The following CEP85L variants were observed in gnomAD, a reference collection of about 807,000 sequenced individuals.
The protein encoded by CEP85L is centrosomal protein 85L, also known as centrosomal protein of 85 kDa-like.
CEP85L carries 60 observed loss-of-function variants against 100.3 expected under a neutral mutation model. The ratio of observed to expected loss-of-function variants is 0.60; its 90% confidence interval spans 0.49 to 0.74. CEP85L has a LOEUF of 0.74. Among genes scored for constraint, CEP85L ranks in the 30% least tolerant of loss-of-function variants. CEP85L has a pLI of 0.00. For missense variants in CEP85L, 973 were observed against 936.2 expected (o/e 1.04, Z -0.51); for synonymous variants, 319 against 322.7 (o/e 0.99, Z 0.12).
intron 4 of CEP85L, among the ~76,000 whole-genome samples, chr6:118,513,890 A>G (rs1331985625): frequency 6.6e-6 from 1 of 152,162 alleles, no homozygotes; most frequent in African/African-American, 2.4e-5. Flanking sequence ...TATTATTTAA[A>G]TCTCATTAAA....
At chr6:118,654,019 G>A (rs2115394393), upstream of CEP85L, among the ~76,000 whole-genome samples, 1 of 152,252 alleles carries the variant, frequency 6.6e-6, no homozygotes, top group South Asian at 2.1e-4. Context: ...TGATTAAGTT[G>A]AGCTATCTTA....
chr6:118,641,416 A>G (rs1252869748), intron 1 of CEP85L, among the ~76,000 whole-genome samples: 1 of 152,128 alleles, frequency 6.6e-6, no homozygotes, highest in African/African-American at 2.4e-5. Context: ...GTTTATACTG[A>G]AAATTATCTT....
At chr6:118,503,815 C>T (rs1357234715) in intron 5 of CEP85L, among the ~76,000 whole-genome samples, 1 of 62,798 alleles carries the variant, frequency 1.6e-5, no homozygotes, top group Admixed American at 1.8e-4. Context: ...ACCTAAAACA[C>T]AAAACTATAA....
chr6:118,703,104 T>G (rs752782581), intron 1 of CEP85L, among the ~76,000 whole-genome samples: 6 of 152,106 alleles, frequency 3.9e-5, no homozygotes, highest in African/African-American at 1.2e-4. Flanking sequence ...TGACGATTTG[T>G]GACTTCTGAA....
chr6:118,547,830 A>T (rs560194106), intron 3 of CEP85L, among the ~76,000 whole-genome samples: 39 of 152,238 alleles, frequency 2.6e-4, no homozygotes, highest in African/African-American at 9.1e-4. Flanking sequence ...ACAGGTATAA[A>T]ATTTTATTGT....
chr6:118,593,347 C>A (rs1781290732), intron 2 of CEP85L, among the ~76,000 whole-genome samples: 1 of 148,626 alleles, frequency 6.7e-6, no homozygotes, highest in African/African-American at 2.5e-5. Flanking sequence ...GCTATAAATA[C>A]CTGAAAAAGA....
intron 4 of CEP85L, among the ~76,000 whole-genome samples, chr6:118,519,476 C>T (rs865832933): frequency 6.2e-3 from 74 of 11,844 alleles, no homozygotes; most frequent in Admixed American, 1.0e-2. Context: ...GTGTGTGTGG[C>T]GGGGGGGGGT....
intron 3 of CEP85L, among the ~76,000 whole-genome samples, chr6:118,529,469 A>G (rs1006579183): frequency 4.6e-5 from 7 of 152,024 alleles, no homozygotes; most frequent in Non-Finnish European, 1.0e-4. Context: ...TTAGCTGTGC[A>G]TGGTGGTGGG....
At chr6:118,608,600 A>C (rs920440147) in intron 2 of CEP85L, among the ~76,000 whole-genome samples, 1 of 152,138 alleles carries the variant, frequency 6.6e-6, no homozygotes, top group Non-Finnish European at 1.5e-5. Flanking sequence ...TTCCATCTCA[A>C]ATCTGAGGTA....
chr6:118,639,746 T>C (rs925831538), intron 1 of CEP85L, among the ~76,000 whole-genome samples: 13 of 152,352 alleles, frequency 8.5e-5, no homozygotes, highest in South Asian at 2.1e-4. Context: ...TGCACACTTA[T>C]ACAGGGTCTC....
At chr6:118,579,603 T>C (rs1398149861) in intron 2 of CEP85L, among the ~76,000 whole-genome samples, 2 of 152,330 alleles carry the variant, frequency 1.3e-5, no homozygotes, top group East Asian at 3.9e-4. Flanking sequence ...AACACAAAGT[T>C]TCTTAGAAAT....
intron 4 of CEP85L, among the ~76,000 whole-genome samples, chr6:118,514,228 G>A (rs529992999): frequency 6.6e-5 from 10 of 152,188 alleles, no homozygotes; most frequent in African/African-American, 2.4e-4. Flanking sequence ...GGGACAATAA[G>A]AAAACAAATA....
chr6:118,466,168 C>T, intron 12 of CEP85L, among the ~76,000 whole-genome samples: 1 of 152,102 alleles, frequency 6.6e-6, no homozygotes, highest in East Asian at 1.9e-4. Context: ...AACTGAGGGC[C>T]TTGAGTCAGC....
At chr6:118,527,216 G>C (rs1777028048) in intron 3 of CEP85L, among the ~76,000 whole-genome samples, 1 of 151,854 alleles carries the variant, frequency 6.6e-6, no homozygotes, top group African/African-American at 2.4e-5. Context: ...TGTTGGTCAG[G>C]CTGGTCTTAA....
intron 6 of CEP85L, among the ~76,000 whole-genome samples, chr6:118,487,890 A>AC (rs1183554740): frequency 6.6e-6 from 1 of 152,214 alleles, no homozygotes; most frequent in African/African-American, 2.4e-5. Flanking sequence ...AGCAATGGAC[A>AC]GAACACCCAA....
At chr6:118,555,729 G>T (rs1311284647) in intron 3 of CEP85L, among the ~76,000 whole-genome samples, 1 of 152,118 alleles carries the variant, frequency 6.6e-6, no homozygotes, top group Admixed American at 6.6e-5. Flanking sequence ...TGGGGAGCTT[G>T]TTGTATGTAT....
At position 118,488,180 on chromosome 6, in the gene CEP85L, G is replaced by A. The variant is rs1404527540; in HGVS notation, c.1437+3506C>T. Among the ~76,000 whole-genome samples the A allele has an allele frequency of 3.3e-5, 5 of 151,688 alleles. No individual in the cohort carries two copies. In the South Asian group the frequency reaches 1.0e-3, roughly 32 times the overall value. On this transcript the variant is annotated intron_variant, in intron 6 of 12. Transcript: ENST00000368491. Reference sequence around the variant, plus strand: ...AGAGGGAGGAAAAATTAACACACAGGGAAATATGTCCAAAACAAACAAAAT... The same window carrying A: ...AGAGGGAGGAAAAATTAACACACAGAGAAATATGTCCAAAACAAACAAAAT...
At chr6:118,624,119 T>C (rs1773629136) in intron 2 of CEP85L, among the ~76,000 whole-genome samples, 1 of 152,096 alleles carries the variant, frequency 6.6e-6, no homozygotes, top group Admixed American at 6.5e-5. Flanking sequence ...CTTCTCCTAT[T>C]TCGGAAGGAA....
Position 118,600,301 on chromosome 6 carries a change from GTGTGTGTGTGTGTGTGTGT to G in CEP85L, c.232+32133_232+32151del, listed in dbSNP as rs1346113881. Among the ~76,000 whole-genome samples the G allele has an allele frequency of 3.3e-4, 10 of 30,442 alleles. 1 individual carries two copies. Among genetic ancestry groups the G allele is most frequent in the African/African-American group, 5.0e-4 (4 of 7,980 alleles). The allele number at this position is 30,442 out of a possible 152,430, so 20.0% of individuals were successfully genotyped here. A position where few individuals can be genotyped will look rare whatever the true frequency, so the allele number is the denominator to read the frequency against. ...TGCCTGTCCCTGAGCCTTCCTGGGGGTGTGTGTGTGTGTGTGTGTGTGTGTGTGTGTGTGTGTGTGTGTG... is the reference window on the plus strand; with the variant it reads ...TGCCTGTCCCTGAGCCTTCCTGGGGGGTGTGTGTGTGTGTGTGTGTGTGTG... On this transcript the variant is annotated intron_variant, in intron 2 of 12. Coordinates refer to ENST00000368491, the MANE Select transcript of CEP85L (RefSeq NM_001042475.3).
Sources: allele counts gnomAD v4.1 joint callset (sites outside exome capture counted in the v4.1 genomes callset), GRCh38; gene constraint gnomAD v4.1.1; transcripts MANE v1.5; gene names NCBI Gene and HGNC (gene_info 2026-07-23, HGNC 2026-07-21).